The following SLC39A11 variants were observed in gnomAD, a reference collection of about 807,000 sequenced individuals.
SLC39A11 encodes the protein solute carrier family 39 member 11.
A neutral mutation model predicts 36.1 loss-of-function variants in SLC39A11; 33 were observed. That is an observed-to-expected ratio of 0.91 (90% confidence interval 0.69 to 1.22). The LOEUF is 1.22. SLC39A11 is among the 50% of genes most tolerant of loss of function. The pLI, the probability that SLC39A11 is intolerant of heterozygous loss-of-function variation, is 0.00. For missense variants in SLC39A11, 432 were observed against 430.3 expected, an observed-to-expected ratio of 1.00 and a Z score of -0.03; for synonymous variants, 166 against 170.3, an observed-to-expected ratio of 0.97 and a Z score of 0.20.
At chr17:72,782,985 G>A (rs1474244437) in intron 6 of SLC39A11, among the ~76,000 whole-genome samples, 1 of 135,158 alleles carries the variant, frequency 7.4e-6, no homozygotes, top group Non-Finnish European at 1.5e-5. Context: ...CTGGATGACA[G>A]CGCAAGACTC....
intron 5 of SLC39A11, among the ~76,000 whole-genome samples, chr17:72,890,032 G>A (rs537007046): frequency 6.6e-6 from 1 of 152,098 alleles, no homozygotes; most frequent in South Asian, 2.1e-4. Flanking sequence ...GGCCGAGGGT[G>A]GCAGATCTCT....
intron 5 of SLC39A11, among the ~76,000 whole-genome samples, chr17:72,907,863 G>A (rs2082741441): frequency 1.3e-5 from 2 of 152,340 alleles, no homozygotes; most frequent in South Asian, 4.1e-4. Context: ...ACAGCATGGG[G>A]CAGTCACCAA....
chr17:72,672,554 G>A (rs1261095041), intron 7 of SLC39A11, among the ~76,000 whole-genome samples: 2 of 152,218 alleles, frequency 1.3e-5, no homozygotes, highest in Non-Finnish European at 2.9e-5. Context: ...AACTGTGGCC[G>A]TTGGGCCAAA....
chr17:72,711,718 C>A (rs373588228), intron 7 of SLC39A11, among the ~76,000 whole-genome samples: 1 of 152,278 alleles, frequency 6.6e-6, no homozygotes, highest in East Asian at 1.9e-4. Context: ...GGCTGCAAAG[C>A]TGGAGATTCC....
At chr17:72,956,942 T>C (rs1033191457) in intron 4 of SLC39A11, among the ~76,000 whole-genome samples, 2 of 152,192 alleles carry the variant, frequency 1.3e-5, no homozygotes, top group Non-Finnish European at 2.9e-5. Context: ...CTCATCCACC[T>C]GGGCTCACTG....
intron 3 of SLC39A11, among the ~76,000 whole-genome samples, chr17:73,047,988 A>AAAAAAAT (rs2059364759): frequency 2.2e-5 from 1 of 45,854 alleles, no homozygotes; most frequent in Non-Finnish European, 4.7e-5. Context: ...AAAAAAAAAA[A>AAAAAAAT]AAATATATAT....
Position 72,670,206 on chromosome 17 carries a change from CACACACATAT to C in SLC39A11, c.672-20948_672-20939del, listed in dbSNP as rs757597339. 9.5e-3 allele frequency among the ~76,000 whole-genome samples: 678 copies of C among 71,612 alleles called. 1 individual carries two copies. Among genetic ancestry groups the C allele is most frequent in the Admixed American group, 0.019 (138 of 7,230 alleles). 47.0% of individuals were successfully genotyped at this position (71,612 alleles called of 152,430 possible). A position where few individuals can be genotyped will look rare whatever the true frequency, so the allele number is the denominator to read the frequency against. On this transcript the variant is annotated intron_variant, in intron 7 of 9. Transcript: ENST00000255559. ...ACACACACACACACACACACACACA[CACACACATAT>C]ATATATATGCCAGGCATGGTGGCAC...
chr17:72,982,083 T>A (rs899469775), intron 4 of SLC39A11, among the ~76,000 whole-genome samples: 2 of 2,052 alleles, frequency 9.7e-4, no homozygotes, highest in African/African-American at 1.4e-3. Context: ...TCTCTAAAAT[T>A]TTTTTTTTTT....
rs1254144659 is a variant in SLC39A11 at position 72,909,747 on chromosome 17, TTTC to T, written c.430+38002_430+38004del. Among the ~76,000 whole-genome samples the T allele has an allele frequency of 8.0e-5, 8 of 100,586 alleles. No homozygotes were observed. The South Asian group carries it at 1.3e-3, about 17-fold the overall frequency. The allele number at this position is 100,586 out of a possible 152,430, so 66.0% of individuals were successfully genotyped here. A position where few individuals can be genotyped will look rare whatever the true frequency, so the allele number is the denominator to read the frequency against. On this transcript the variant is annotated intron_variant, in intron 5 of 9. Coordinates refer to ENST00000255559, the MANE Select transcript of SLC39A11 (RefSeq NM_139177.4). ...CTGTCTTTCTTTCTTTTTTTTCTTTTTTCTTTTTTTTTTTTTGAGACGGAGTCT... is the reference window on the plus strand; with the variant it reads ...CTGTCTTTCTTTCTTTTTTTTCTTTTTTTTTTTTTTTTTGAGACGGAGTCT...
chr17:72,962,023 CATT>C (rs1383075743), intron 4 of SLC39A11, among the ~76,000 whole-genome samples: 1 of 152,178 alleles, frequency 6.6e-6, no homozygotes, highest in Non-Finnish European at 1.5e-5. Context: ...GAGCAGAATT[CATT>C]ATTAAACTTA....
chr17:72,830,174 T>C (rs1323698067), intron 6 of SLC39A11, among the ~76,000 whole-genome samples: 3 of 152,198 alleles, frequency 2.0e-5, no homozygotes, highest in African/African-American at 4.8e-5. Flanking sequence ...CTACCACTGA[T>C]AAATGAAAAA....
At chr17:72,936,722 A>G (rs1263413968) in intron 5 of SLC39A11, among the ~76,000 whole-genome samples, 1 of 152,064 alleles carries the variant, frequency 6.6e-6, no homozygotes, top group African/African-American at 2.4e-5. Flanking sequence ...GTTTTATGGA[A>G]GATAATTTTT....
chr17:72,685,074 G>A (rs954235728), intron 7 of SLC39A11, among the ~76,000 whole-genome samples: 7 of 152,190 alleles, frequency 4.6e-5, no homozygotes, highest in African/African-American at 9.7e-5. Context: ...GTAGATGTTC[G>A]TCCATTTAGT....
At chr17:72,909,208 G>A (rs8082220) in intron 5 of SLC39A11, among the ~76,000 whole-genome samples, 88,380 of 152,058 alleles carry the variant, frequency 0.58, 26,211 homozygotes, top group East Asian at 0.76. Flanking sequence ...GGGCTCAAGC[G>A]ATCCTCCCAC....
chr17:72,794,517 G>A (rs937493810), intron 6 of SLC39A11, among the ~76,000 whole-genome samples: 31 of 152,010 alleles, frequency 2.0e-4, no homozygotes, highest in African/African-American at 7.5e-4. Context: ...GGTCCCCAAG[G>A]CCCCGGTGTC....
intron 7 of SLC39A11, among the ~76,000 whole-genome samples, chr17:72,712,132 G>T (rs1031403758): frequency 3.3e-5 from 5 of 152,218 alleles, no homozygotes; most frequent in African/African-American, 1.2e-4. Context: ...CAAAGTTGTT[G>T]TCATTAAGCT....
At chr17:72,649,737 G>A (rs1317479934) in intron 7 of SLC39A11, among the ~76,000 whole-genome samples, 1 of 147,602 alleles carries the variant, frequency 6.8e-6, no homozygotes, top group Non-Finnish European at 1.5e-5. Flanking sequence ...TCCACCTCCC[G>A]GGTTCAAGTG....
intron 6 of SLC39A11, among the ~76,000 whole-genome samples, chr17:72,772,844 G>T (rs1021234530): frequency 1.3e-5 from 2 of 152,214 alleles, no homozygotes; most frequent in Admixed American, 6.5e-5. Flanking sequence ...AGCACTTTGG[G>T]AGGCCAAGGT....
chr17:72,727,620 C>G lies in SLC39A11; in HGVS notation c.671+9030G>C, dbSNP rs192451071. Among the ~76,000 whole-genome samples, 19 of 148,052 alleles carry G rather than the reference C, an allele frequency of 1.3e-4. No homozygotes were observed. The East Asian group carries it at 3.6e-3, about 28-fold the overall frequency. On this transcript the variant is annotated intron_variant, in intron 7 of 9. Coordinates refer to ENST00000255559, the MANE Select transcript of SLC39A11 (RefSeq NM_139177.4). ...TGAGCTGAGATCGTGCCACTGCACTCCAGCCTGGGTGAAAGAGTGAGACTC... is the reference window on the plus strand; with the variant it reads ...TGAGCTGAGATCGTGCCACTGCACTGCAGCCTGGGTGAAAGAGTGAGACTC...
Sources: gnomAD v4.1 joint callset for allele counts (sites outside exome capture counted in the v4.1 genomes callset) on GRCh38, gnomAD v4.1.1 for gene constraint, MANE v1.5 for transcripts, NCBI Gene and HGNC (gene_info 2026-07-23, HGNC 2026-07-21) for gene names.